Variants in RNF6 observed in about 807,000 individuals in gnomAD.
The protein encoded by RNF6 is ring finger protein 6.
A neutral mutation model predicts 50.1 loss-of-function variants in RNF6; 21 were observed. The observed-to-expected ratio is 0.42, with a 90% CI of 0.30 to 0.60. RNF6 has a LOEUF of 0.60. Among genes scored for constraint, RNF6 ranks in the 20% least tolerant of loss-of-function variants. The pLI is 0.20. For missense variants in RNF6, 698 were observed against 838.2 expected, an observed-to-expected ratio of 0.83 and a Z score of 2.07; for synonymous variants, 255 against 291.8, an observed-to-expected ratio of 0.87 and a Z score of 1.29.
At chr13:26,144,014 A>C (rs1474383563) in intron 5 of RNF6, among the ~76,000 whole-genome samples, 3 of 152,184 alleles carry the variant, frequency 2.0e-5, no homozygotes, top group Admixed American at 2.0e-4. Flanking sequence ...CCCTTCCATA[A>C]TGGAAGCAGT....
intron 5 of RNF6, among the ~76,000 whole-genome samples, chr13:26,163,324 A>G (rs1444901368): frequency 6.6e-6 from 1 of 151,702 alleles, no homozygotes; most frequent in African/African-American, 2.4e-5. Context: ...AAAAAAAAAA[A>G]TACCAACTTG....
intron 5 of RNF6, among the ~76,000 whole-genome samples, chr13:26,150,073 TACAC>T (rs1170819623): frequency 1.3e-5 from 2 of 148,156 alleles, no homozygotes; most frequent in East Asian, 2.0e-4. Flanking sequence ...TACATATACA[TACAC>T]ACACACAGAG....
intron 5 of RNF6, among the ~76,000 whole-genome samples, chr13:26,147,341 A>G (rs1871303906): frequency 6.6e-6 from 1 of 152,232 alleles, no homozygotes; most frequent in Non-Finnish European, 1.5e-5. Context: ...TCATGAGGAG[A>G]ATGAGCATTG....
chr13:26,168,037 G>C (rs1872531588), intron 5 of RNF6, among the ~76,000 whole-genome samples: 1 of 152,182 alleles, frequency 6.6e-6, no homozygotes, highest in African/African-American at 2.4e-5. Context: ...AGACACTGGG[G>C]CCTACCTTAG....
chr13:26,218,060 T>C (rs9507686), intron 4 of RNF6, among the ~76,000 whole-genome samples: 6,646 of 152,328 alleles, frequency 0.044, 206 homozygotes, highest in Non-Finnish European at 0.059. Context: ...CATACTTCAT[T>C]TAGTTTGAAG....
chr13:26,215,245 G>C lies in RNF6; in HGVS notation c.637C>G (p.Pro213Ala). The change falls in exon 5 of 5, where the codon CCA (proline) becomes GCA (alanine). Residue 213 changes from proline (P) to alanine (A), a missense_variant. Transcript: ENST00000381588. ...VNFNGSSSNI[P>A]RTRLASRGQN... ...CCCCTTGAAGCAAGCCTAGTCCTTG[G>C]AATGTTGGAACTACTACCATTGAAA... The C allele has an allele frequency of 5.6e-6, 9 of 1,614,174 alleles. No homozygotes were observed. The highest frequency in any genetic ancestry group is 7.6e-6 in the Non-Finnish European group (9 of 1,180,032).
At chr13:26,157,955 GAAGA>G (rs1872017512) in intron 5 of RNF6, among the ~76,000 whole-genome samples, 1 of 120,444 alleles carries the variant, frequency 8.3e-6, no homozygotes, top group Non-Finnish European at 1.8e-5. Flanking sequence ...TAGCTAGCTA[GAAGA>G]TAGATAGATA....
intron 5 of RNF6, among the ~76,000 whole-genome samples, chr13:26,204,652 C>T (rs1869035658): frequency 6.6e-6 from 1 of 152,104 alleles, no homozygotes; most frequent in African/African-American, 2.4e-5. Context: ...AGAAGACGTC[C>T]ATCTTCTCCT....
At chr13:26,145,788 T>C (rs539174847) in intron 5 of RNF6, among the ~76,000 whole-genome samples, 1 of 152,342 alleles carries the variant, frequency 6.6e-6, no homozygotes, top group African/African-American at 2.4e-5. Flanking sequence ...AGGATTGCTT[T>C]TGGTTTACTA....
intron 5 of RNF6, among the ~76,000 whole-genome samples, chr13:26,175,194 C>G (rs1353299265): frequency 1.3e-5 from 2 of 152,150 alleles, no homozygotes; most frequent in Non-Finnish European, 2.9e-5. Flanking sequence ...AATTCTCTTG[C>G]CTCAGCCCCC....
chr13:26,213,081 A>G lies in RNF6; in HGVS notation c.*743T>C, dbSNP rs1869423846. On this transcript the variant is annotated 3_prime_UTR_variant, in exon 5 of 5. Transcript: ENST00000381588. ...TATGATGTAAATTTTCCATTTCTGA[A>G]TACTTTTTCAGTATTATATATTGCT... 1 of 152,554 alleles carries G rather than the reference A, an allele frequency of 6.6e-6. No homozygotes were observed. The highest frequency in any genetic ancestry group is 1.5e-5 in the Non-Finnish European group (1 of 68,014). The allele number at this position is 152,554 out of a possible 1,614,324, so 9.5% of individuals were successfully genotyped here.
At chr13:26,153,105 C>A (rs116141232) in intron 5 of RNF6, among the ~76,000 whole-genome samples, 6,832 of 150,964 alleles carry the variant, frequency 0.045, 237 homozygotes, top group African/African-American at 0.094. Flanking sequence ...GTGAGCTAAG[C>A]TCTTTCCACT....
chr13:26,196,496 C>T (rs1868670134), intron 5 of RNF6, among the ~76,000 whole-genome samples: 3 of 151,910 alleles, frequency 2.0e-5, no homozygotes, highest in South Asian at 4.2e-4. Flanking sequence ...ACTAAAAATA[C>T]AAAAAATTAG....
At chr13:26,181,790 G>T (rs376920980) in intron 5 of RNF6, among the ~76,000 whole-genome samples, 1 of 152,200 alleles carries the variant, frequency 6.6e-6, no homozygotes, top group East Asian at 1.9e-4. Flanking sequence ...GGATGCTACA[G>T]GTTCTTAATT....
intron 5 of RNF6, among the ~76,000 whole-genome samples, chr13:26,180,029 C>T (rs977142057): frequency 6.6e-6 from 1 of 152,094 alleles, no homozygotes; most frequent in Non-Finnish European, 1.5e-5. Context: ...CCCTATAAGC[C>T]TGAGGTGTTT....
intron 5 of RNF6, among the ~76,000 whole-genome samples, chr13:26,177,554 C>T (rs1310306334): frequency 6.6e-6 from 1 of 152,146 alleles, no homozygotes; most frequent in Non-Finnish European, 1.5e-5. Flanking sequence ...ATAACCATAA[C>T]CATGAGAGTG....
In RNF6 at chr13:26,170,494, G is replaced by A. The variant is rs1387800977; in HGVS notation, n.769-38043C>T. On this transcript the variant is annotated intron_variant and non_coding_transcript_variant, in intron 5 of 5. Transcript: ENST00000468480. ...TACGCATTTTACTAACTATCCATGCGTGAAGATGGAGGAACAAAAGATGGG... is the reference window on the plus strand; with the variant it reads ...TACGCATTTTACTAACTATCCATGCATGAAGATGGAGGAACAAAAGATGGG... 1.1e-4 allele frequency among the ~76,000 whole-genome samples: 5 copies of A among 46,182 alleles called. No homozygotes were observed. The South Asian group carries it at 3.8e-3, about 35-fold the overall frequency. 30.3% of individuals were successfully genotyped at this position (46,182 alleles called of 152,430 possible).
downstream of RNF6, among the ~76,000 whole-genome samples, chr13:26,210,093 T>C (rs1453467454): frequency 6.6e-6 from 1 of 152,164 alleles, no homozygotes; most frequent in Admixed American, 6.5e-5. Context: ...AAATCACCAC[T>C]GACAGCCATC....
At position 26,205,788 on chromosome 13, in the gene RNF6, A is replaced by C. The variant is rs1486858819; in HGVS notation, n.768+9686T>G. 8.5e-5 allele frequency among the ~76,000 whole-genome samples: 13 copies of C among 152,300 alleles called. No individual in the cohort carries two copies. In the East Asian group the frequency reaches 2.5e-3, roughly 29 times the overall value. ...CAGCACTTTCAGAGGCCAAGGCAGG[A>C]GGATCGCTTGAGTCCAGGAGTTTGA... On this transcript the variant is annotated intron_variant and non_coding_transcript_variant, in intron 5 of 5. Transcript: ENST00000468480.
Sources: gnomAD v4.1 joint callset for allele counts (sites outside exome capture counted in the v4.1 genomes callset) on GRCh38, gnomAD v4.1.1 for gene constraint, MANE v1.5 for transcripts, NCBI Gene and HGNC (gene_info 2026-07-23, HGNC 2026-07-21) for gene names.